The following PHLPP1 variants were observed in gnomAD, a reference collection of about 807,000 sequenced individuals.
PHLPP1 encodes the protein PH domain leucine-rich repeat-containing protein phosphatase 1.
In PHLPP1, 42 loss-of-function variants were observed where a neutral mutation model predicts 117.2. The ratio of observed to expected loss-of-function variants is 0.36; its 90% CI spans 0.28 to 0.46. The LOEUF (loss-of-function observed/expected upper bound fraction) is 0.46. Among genes scored for constraint, PHLPP1 ranks in the 20% least tolerant of loss-of-function variants. PHLPP1 has a pLI of 1.00. For missense variants in PHLPP1, 2,084 were observed against 2,241.9 expected (o/e 0.93, Z 1.42); for synonymous variants, 1,042 against 970.7 (o/e 1.07, Z -1.37).
intron 7 of PHLPP1, among the ~76,000 whole-genome samples, chr18:62,904,460 C>T (rs1351549221): frequency 6.6e-6 from 1 of 152,184 alleles, no homozygotes; most frequent in Non-Finnish European, 1.5e-5. Context: ...TCCACTACTC[C>T]ACTAATCCAA....
intron 3 of PHLPP1, among the ~76,000 whole-genome samples, chr18:62,853,590 G>A (rs1915416043): frequency 1.3e-5 from 2 of 152,058 alleles, no homozygotes; most frequent in Admixed American, 6.6e-5. Context: ...GGCTGGTCTC[G>A]AACTCCTGAC....
chr18:62,891,072 T>C (rs1392275280), intron 4 of PHLPP1, among the ~76,000 whole-genome samples: 3 of 152,186 alleles, frequency 2.0e-5, no homozygotes, highest in Admixed American at 6.5e-5. Flanking sequence ...CATATAAACA[T>C]TGAATAACTT....
At chr18:62,782,154 G>C (rs1426886275) in intron 1 of PHLPP1, among the ~76,000 whole-genome samples, 1 of 152,136 alleles carries the variant, frequency 6.6e-6, no homozygotes, top group East Asian at 1.9e-4. Context: ...CAAACACTTC[G>C]CTGCCTATTT....
intron 10 of PHLPP1, among the ~76,000 whole-genome samples, chr18:62,926,526 G>C (rs1909632023): frequency 6.6e-6 from 1 of 152,150 alleles, no homozygotes; most frequent in Non-Finnish European, 1.5e-5. Flanking sequence ...AGATGGGCGA[G>C]TCCACCCTGC....
chr18:62,905,937 T>C (rs1916838426), intron 8 of PHLPP1, among the ~76,000 whole-genome samples: 1 of 152,156 alleles, frequency 6.6e-6, no homozygotes, highest in African/African-American at 2.4e-5. Context: ...TGACAGTGTC[T>C]ACAGTATGTA....
intron 1 of PHLPP1, among the ~76,000 whole-genome samples, chr18:62,721,098 G>C (rs1910901784): frequency 6.6e-6 from 1 of 152,122 alleles, no homozygotes; most frequent in South Asian, 2.1e-4. Context: ...CCAAAAATAT[G>C]CTGTTTTTGT....
intron 1 of PHLPP1, among the ~76,000 whole-genome samples, chr18:62,783,580 A>G (rs1913192096): frequency 6.6e-6 from 1 of 152,188 alleles, no homozygotes; most frequent in African/African-American, 2.4e-5. Context: ...ACAAGAAGCT[A>G]TTGTGCAGCA....
At chr18:62,930,366 CAAAGT>C (rs780262293) in intron 10 of PHLPP1, among the ~76,000 whole-genome samples, 30 of 152,060 alleles carry the variant, frequency 2.0e-4, no homozygotes, top group African/African-American at 4.8e-4. Flanking sequence ...TCTATAGACT[CAAAGT>C]AAAGGGAAGG....
chr18:62,969,956 T>C (rs1381783901), intron 14 of PHLPP1, among the ~76,000 whole-genome samples: 2 of 152,226 alleles, frequency 1.3e-5, no homozygotes, highest in Non-Finnish European at 2.9e-5. Context: ...TTATATTTAA[T>C]GAAATTATTG....
intron 8 of PHLPP1, 141 bp downstream of exon 8, chr18:62,905,425 TTA>T (rs940573673): frequency 6.4e-5 from 27 of 421,532 alleles, no homozygotes; most frequent in Non-Finnish European, 9.3e-5. Flanking sequence ...TTCTCTAAAA[TTA>T]TATATATCTA....
intron 6 of PHLPP1, among the ~76,000 whole-genome samples, chr18:62,900,239 G>T (rs1197651497): frequency 2.0e-5 from 3 of 151,844 alleles, no homozygotes; most frequent in Non-Finnish European, 4.4e-5. Flanking sequence ...GGAGGTTGCA[G>T]TGGGCCAAGA....
intron 1 of PHLPP1, among the ~76,000 whole-genome samples, chr18:62,808,982 G>A (rs952578469): frequency 1.3e-5 from 2 of 152,284 alleles, no homozygotes; most frequent in Admixed American, 6.5e-5. Flanking sequence ...TGGAATCTGT[G>A]TTGTTGCCTG....
At chr18:62,926,015 T>G (rs889982023) in intron 10 of PHLPP1, among the ~76,000 whole-genome samples, 13 of 152,198 alleles carry the variant, frequency 8.5e-5, no homozygotes, top group Non-Finnish European at 1.9e-4. Flanking sequence ...ACTGAATGTG[T>G]CTAGAGATAT....
At chr18:62,845,006 AATCTTAGGCATTTT>A (rs1915144848) in intron 3 of PHLPP1, among the ~76,000 whole-genome samples, 1 of 152,200 alleles carries the variant, frequency 6.6e-6, no homozygotes, top group African/African-American at 2.4e-5. Context: ...CACGATGTCT[AATCTTAGGCATTTT>A]ATCTTCAACA....
chr18:62,716,576 C>A lies in PHLPP1; in HGVS notation c.893C>A (p.Pro298His), dbSNP rs1910745649. Residue 298 changes from proline to histidine, a missense_variant, in exon 1 of 17, where the codon CCC (proline) becomes CAC (histidine). Physicochemically the swap from Pro to His is moderately conservative, Grantham distance 77. Coordinates refer to ENST00000262719, the MANE Select transcript of PHLPP1 (RefSeq NM_194449.4). The surrounding 1 kb of genome is among the most constrained non-coding windows in gnomAD (Gnocchi z 5.7). ...GCCTTCGGGGGGCCTCCGCGCGCGC[C>A]CCCCGCCGACCTACCCCTGCCCGTC... The part of the protein sequence containing the change: ...PGAFGGPPRA[P>H]PADLPLPVGG... 2 of 1,210,832 alleles carry A rather than the reference C, an allele frequency of 1.7e-6. No homozygotes were observed. The highest frequency in any genetic ancestry group is 3.4e-5 in the East Asian group (1 of 29,720). The allele number at this position is 1,210,832 out of a possible 1,614,324, so 75.0% of individuals were successfully genotyped here.
At chr18:62,933,120 A>T (rs1909866220) in intron 10 of PHLPP1, among the ~76,000 whole-genome samples, 1 of 152,258 alleles carries the variant, frequency 6.6e-6, no homozygotes, top group African/African-American at 2.4e-5. Flanking sequence ...GAGATGACAC[A>T]AACAAGTGGA....
intron 10 of PHLPP1, among the ~76,000 whole-genome samples, chr18:62,939,832 C>CT (rs1325441408): frequency 1.2e-4 from 18 of 150,086 alleles, no homozygotes; most frequent in East Asian, 1.2e-3. Context: ...TCCTAGTAGC[C>CT]TTTTTTTTTC....
chr18:62,895,257 A>C, intron 5 of PHLPP1, 100 bp downstream of exon 5: 1 of 1,258,836 alleles, frequency 7.9e-7, no homozygotes, highest in East Asian at 2.4e-5. Flanking sequence ...TATGTTGCTC[A>C]TGTAAGTCTT....
chr18:62,900,981 G>A (rs143844516), intron 6 of PHLPP1, among the ~76,000 whole-genome samples: 23 of 152,326 alleles, frequency 1.5e-4, no homozygotes, highest in African/African-American at 5.1e-4. Context: ...CTGAATTACT[G>A]TGTGAACCTG....
Sources: allele counts gnomAD v4.1 joint callset (sites outside exome capture counted in the v4.1 genomes callset), GRCh38; gene constraint gnomAD v4.1.1; non-coding constraint Gnocchi (gnomAD v3.1); transcripts MANE v1.5; gene names NCBI Gene and HGNC (gene_info 2026-07-23, HGNC 2026-07-21).